The following TRPM7 variants were observed in gnomAD, a reference collection of about 807,000 sequenced individuals.
The protein encoded by TRPM7 is transient receptor potential cation channel subfamily M member 7, also known as LTRPC ion channel family member 7.
Under a neutral mutation model 229.7 loss-of-function variants are expected in TRPM7, and 134 were observed. The ratio of observed to expected loss-of-function variants is 0.58; its 90% CI spans 0.51 to 0.67. The LOEUF (loss-of-function observed/expected upper bound fraction) is 0.67. Ranked by LOEUF, TRPM7 falls within the 30% of genes least tolerant of loss-of-function variation. The pLI is 0.00. For synonymous variants in TRPM7, 699 were observed against 715.2 expected (o/e 0.98, Z 0.36); for missense variants, 1,901 against 2,210.0 (o/e 0.86, Z 2.80).
rs28655799 is a variant in TRPM7 at position 50,634,310 on chromosome 15, G to T, written c.1007+72C>A. On this transcript the variant is annotated intron_variant, in intron 8 of 38. Coordinates refer to ENST00000646667, the MANE Select transcript of TRPM7 (RefSeq NM_017672.6). Reference sequence around the variant, plus strand: ...CACGCTATCCAGGCTGGGAGACACAGCAAGACTCCGTATCAAAAATAAATA... The same window carrying T: ...CACGCTATCCAGGCTGGGAGACACATCAAGACTCCGTATCAAAAATAAATA... The T allele has an allele frequency of 5.0e-6, 6 of 1,204,286 alleles. No individual in the cohort carries two copies. In the African/African-American group the frequency reaches 8.2e-5, roughly 16 times the overall value. 74.6% of individuals were successfully genotyped at this position (1,204,286 alleles called of 1,614,324 possible).
At chr15:50,649,179 G>T (rs572835259) in intron 3 of TRPM7, among the ~76,000 whole-genome samples, 111 of 152,158 alleles carry the variant, frequency 7.3e-4, no homozygotes, top group African/African-American at 2.6e-3. Flanking sequence ...TGGCTCACGC[G>T]GGTAATCCCA....
intron 13 of TRPM7, among the ~76,000 whole-genome samples, chr15:50,614,956 G>C (rs1054599075): frequency 6.6e-6 from 1 of 151,952 alleles, no homozygotes; most frequent in Non-Finnish European, 1.5e-5. Flanking sequence ...GATCACCTGA[G>C]GTTGGGAGTT....
chr15:50,643,607 A>G (rs748065151), intron 4 of TRPM7, 54 bp from the exon 5 acceptor site: 66 of 1,487,634 alleles, frequency 4.4e-5, no homozygotes, highest in Non-Finnish European at 5.9e-5. Flanking sequence ...CAGGTTTCAT[A>G]ATGTGACATT....
At chr15:50,613,665 G>A in intron 15 of TRPM7, 42 bp downstream of exon 15, 3 of 1,452,200 alleles carry the variant, frequency 2.1e-6, no homozygotes, top group Non-Finnish European at 9.1e-7. Context: ...TTAGAAAGAA[G>A]AAAATAAAAA....
At chr15:50,662,204 T>G (rs2061741541) in intron 2 of TRPM7, among the ~76,000 whole-genome samples, 1 of 152,174 alleles carries the variant, frequency 6.6e-6, no homozygotes, top group South Asian at 2.1e-4. Flanking sequence ...ATACAAAAAT[T>G]TAGCCGGCTG....
At chr15:50,581,022 T>A in intron 29 of TRPM7, 114 bp from the exon 30 acceptor site, 2 of 865,004 alleles carry the variant, frequency 2.3e-6, no homozygotes, top group Non-Finnish European at 1.7e-6. Flanking sequence ...GCCAAAAAAC[T>A]AACATACAGT....
intron 1 of TRPM7, among the ~76,000 whole-genome samples, chr15:50,680,990 T>C (rs2062229393): frequency 6.6e-6 from 1 of 152,102 alleles, no homozygotes; most frequent in South Asian, 2.1e-4. Flanking sequence ...AGGTGGCTCA[T>C]GCCTGTAATC....
chr15:50,636,994 C>T (rs920626398), intron 7 of TRPM7, among the ~76,000 whole-genome samples: 5 of 151,966 alleles, frequency 3.3e-5, no homozygotes, highest in Admixed American at 6.6e-5. Flanking sequence ...GGCATGGTAG[C>T]GGGCACCTGT....
chr15:50,633,095 T>C, intron 8 of TRPM7, 103 bp from the exon 9 acceptor site: 1 of 1,008,792 alleles, frequency 9.9e-7, no homozygotes, highest in Non-Finnish European at 1.4e-6. Flanking sequence ...AAATAATGGA[T>C]TAATATTACA....
intron 1 of TRPM7, 93 bp from the exon 2 acceptor site, chr15:50,663,139 T>G (rs545267750): frequency 1.3e-5 from 13 of 1,000,596 alleles, no homozygotes; most frequent in Admixed American, 1.2e-4. Flanking sequence ...AGTTCTTTTT[T>G]TTTTTTGAGA....
intron 5 of TRPM7, among the ~76,000 whole-genome samples, chr15:50,640,831 G>A (rs1302865332): frequency 6.6e-6 from 1 of 152,262 alleles, no homozygotes; most frequent in Admixed American, 6.5e-5. Context: ...CCTATACACA[G>A]GAGGCCATGA....
intron 12 of TRPM7, among the ~76,000 whole-genome samples, chr15:50,623,287 C>T (rs1255589969): frequency 6.6e-6 from 1 of 151,982 alleles, no homozygotes; most frequent in Non-Finnish European, 1.5e-5. Context: ...TGGCACACGC[C>T]TGTAGTCCCA....
At position 50,558,850 on chromosome 15, in the gene TRPM7, G is replaced by GCTACT. The variant is rs1239498529; in HGVS notation, c.*2823_*2827dup. On this transcript the variant is annotated 3_prime_UTR_variant, in exon 39 of 39. Coordinates refer to ENST00000646667, the MANE Select transcript of TRPM7 (RefSeq NM_017672.6). ...TACGGCTGCAGTGAGCTATGATCAC[G>GCTACT]CTACTACACTCCAGCCTGGGCAACA... is the stretch of plus-strand genomic sequence containing the variant. 7.5e-6 allele frequency: 1 copy of GCTACT among 133,908 alleles called. No individual in the cohort carries two copies. The highest frequency in any genetic ancestry group is 1.7e-5 in the Non-Finnish European group (1 of 58,610). The allele number at this position is 133,908 out of a possible 1,614,324, so 8.3% of individuals were successfully genotyped here.
At chr15:50,623,815 AAAGC>A (rs2060486628) in intron 12 of TRPM7, among the ~76,000 whole-genome samples, 1 of 152,114 alleles carries the variant, frequency 6.6e-6, no homozygotes, top group Non-Finnish European at 1.5e-5. Context: ...AAAAGAGAAA[AAAGC>A]AATGCATAAT....
chr15:50,626,737 AGAG>A (rs781691095), intron 11 of TRPM7, among the ~76,000 whole-genome samples: 4 of 152,140 alleles, frequency 2.6e-5, no homozygotes, highest in African/African-American at 4.8e-5. Context: ...TAGTCCTGCA[AGAG>A]GAGAAGTGAC....
At position 50,561,710 on chromosome 15, in the gene TRPM7, C is replaced by A. The variant is rs1345227986; in HGVS notation, c.5566G>T (p.Glu1856Ter). The A allele has an allele frequency of 6.2e-7, 1 of 1,611,014 alleles. No homozygotes were observed. The highest frequency in any genetic ancestry group is 1.7e-5 in the Admixed American group (1 of 59,230). ...ATCAGACGAACAGAATTAGTTGATT[C>A]TGATTCTTTGGTGGAATTTCCAGGC... is the stretch of plus-strand genomic sequence containing the variant. ...LQPGNSTKES[E>*]STNSVRLML Residue 1856 changes from glutamate to a stop codon, truncating the protein, a stop_gained, in exon 39 of 39, where the codon GAA becomes TAA. Coordinates refer to ENST00000646667, the MANE Select transcript of TRPM7 (RefSeq NM_017672.6). LOFTEE classifies it high-confidence loss of function.
intron 9 of TRPM7, among the ~76,000 whole-genome samples, chr15:50,631,937 T>G (rs1477603798): frequency 3.9e-5 from 6 of 152,188 alleles, no homozygotes; most frequent in Non-Finnish European, 7.3e-5. Context: ...GTCAATATTT[T>G]TATTGCAAAT....
At chr15:50,614,648 G>A (rs1341531196) in intron 13 of TRPM7, among the ~76,000 whole-genome samples, 1 of 125,658 alleles carries the variant, frequency 8.0e-6, no homozygotes, top group Non-Finnish European at 1.6e-5. Flanking sequence ...CTGGGAGACA[G>A]AGCAAGACTT....
chr15:50,668,708 A>T (rs1317790221), intron 1 of TRPM7, among the ~76,000 whole-genome samples: 1 of 152,092 alleles, frequency 6.6e-6, no homozygotes, highest in Non-Finnish European at 1.5e-5. Flanking sequence ...GGTTTTCACT[A>T]TGTTGGCCAG....
Sources: allele counts gnomAD v4.1 joint callset (sites outside exome capture counted in the v4.1 genomes callset), GRCh38; gene constraint gnomAD v4.1.1; transcripts MANE v1.5; gene names NCBI Gene and HGNC (gene_info 2026-07-23, HGNC 2026-07-21).